The following CNTNAP5 variants were observed in gnomAD, a reference collection of about 807,000 sequenced individuals.
The protein encoded by CNTNAP5 is contactin-associated protein-like 5.
Under a neutral mutation model 150.2 loss-of-function variants are expected in CNTNAP5, and 72 were observed. That is an observed-to-expected ratio of 0.48 (90% CI 0.40 to 0.58). The LOEUF is 0.58. CNTNAP5 is among the 20% of genes least tolerant of loss of function. The pLI is 0.00. For missense variants in CNTNAP5, 1,636 were observed against 1,626.2 expected (o/e 1.01, Z -0.10); for synonymous variants, 672 against 619.8 (o/e 1.08, Z -1.25).
At chr2:124,792,886 T>G (rs1681764272) in intron 18 of CNTNAP5, among the ~76,000 whole-genome samples, 1 of 152,146 alleles carries the variant, frequency 6.6e-6, no homozygotes, top group Non-Finnish European at 1.5e-5. Context: ...TGCCAAAGAG[T>G]GTTGCGCAGT....
intron 1 of CNTNAP5, among the ~76,000 whole-genome samples, chr2:124,066,532 C>T (rs374787787): frequency 6.6e-6 from 1 of 152,158 alleles, no homozygotes; most frequent in Admixed American, 6.6e-5. Context: ...GAGAAGATAT[C>T]TATTATTGTG....
intron 1 of CNTNAP5, among the ~76,000 whole-genome samples, chr2:124,136,779 CAATG>C (rs1030039554): frequency 1.3e-4 from 20 of 152,154 alleles, no homozygotes; most frequent in Admixed American, 6.5e-5. Context: ...TGGCTGAAAG[CAATG>C]CACCTCTTTT....
At chr2:124,734,552 G>A (rs1296939721) in intron 13 of CNTNAP5, among the ~76,000 whole-genome samples, 2 of 151,874 alleles carry the variant, frequency 1.3e-5, no homozygotes, top group Non-Finnish European at 2.9e-5. Flanking sequence ...TAGCAAATTT[G>A]TGAGAAAAGT....
chr2:124,545,136 A>T (rs948119075), intron 10 of CNTNAP5, among the ~76,000 whole-genome samples: 3 of 152,192 alleles, frequency 2.0e-5, no homozygotes, highest in Admixed American at 1.3e-4. Context: ...AAAAACACAC[A>T]TTGTAATCTA....
rs555351068 is a variant in CNTNAP5, at chr2:124,719,456, G to C, written c.2078-27773G>C. On this transcript the variant is annotated intron_variant, in intron 13 of 23. Coordinates refer to ENST00000682447, the MANE Select transcript of CNTNAP5 (RefSeq NM_001367498.1). ...CACACAAATAAAGAACAGCTGAACCGAGTAGTAAGTTTATCACAGGATCGG... is the reference window on the plus strand; with the variant it reads ...CACACAAATAAAGAACAGCTGAACCCAGTAGTAAGTTTATCACAGGATCGG... 1.1e-4 allele frequency among the ~76,000 whole-genome samples: 17 copies of C among 152,214 alleles called. No individual in the cohort carries two copies. In the East Asian group the frequency reaches 3.3e-3, roughly 29 times the overall value.
intron 13 of CNTNAP5, among the ~76,000 whole-genome samples, chr2:124,650,162 T>C (rs922902594): frequency 1.3e-5 from 2 of 152,136 alleles, no homozygotes; most frequent in African/African-American, 4.8e-5. Flanking sequence ...GTGCTCTGAA[T>C]CAAAAGGAGG....
intron 11 of CNTNAP5, among the ~76,000 whole-genome samples, chr2:124,604,840 A>G (rs1459173556): frequency 2.6e-5 from 4 of 152,200 alleles, no homozygotes; most frequent in African/African-American, 9.6e-5. Context: ...AATCACCCCA[A>G]GATCTCAATG....
At position 124,819,293 on chromosome 2, in the gene CNTNAP5, G is replaced by A. The variant is rs551063370; in HGVS notation, c.3217+20973G>A. 2.6e-4 allele frequency among the ~76,000 whole-genome samples: 39 copies of A among 152,188 alleles called. No individual in the cohort carries two copies. In the South Asian group the frequency reaches 8.1e-3, roughly 32 times the overall value. On this transcript the variant is annotated intron_variant, in intron 19 of 23. Coordinates refer to ENST00000682447, the MANE Select transcript of CNTNAP5 (RefSeq NM_001367498.1). Reference sequence around the variant, plus strand: ...GAGTAGATATTCACTACAGTATTCAGTTGACTGAATGATTGAAAGTCTGGT... The same window carrying A: ...GAGTAGATATTCACTACAGTATTCAATTGACTGAATGATTGAAAGTCTGGT...
At chr2:124,747,662 C>T (rs1469714133) in intron 14 of CNTNAP5, among the ~76,000 whole-genome samples, 1 of 130,720 alleles carries the variant, frequency 7.6e-6, no homozygotes, top group Non-Finnish European at 1.6e-5. Flanking sequence ...ACTCTGTCAC[C>T]AGGCTGGAGT....
intron 13 of CNTNAP5, among the ~76,000 whole-genome samples, chr2:124,710,036 A>C (rs1679773887): frequency 6.6e-6 from 1 of 152,074 alleles, no homozygotes; most frequent in South Asian, 2.1e-4. Flanking sequence ...CCCGGGTCTT[A>C]CTTTTTGCCA....
Position 124,869,714 on chromosome 2 carries a change from G to A in CNTNAP5, c.3388G>A (p.Glu1130Lys). The A allele has an allele frequency of 6.2e-7, 1 of 1,612,384 alleles. No individual in the cohort carries two copies. The highest frequency in any genetic ancestry group is 8.5e-7 in the Non-Finnish European group (1 of 1,178,922). The change falls in exon 21 of 24, where the codon GAA (glutamate) becomes AAA (lysine). Residue 1130 changes from glutamate (E) to lysine (K), a missense_variant. Physicochemically the swap from Glu to Lys is moderately conservative, Grantham distance 56. Coordinates refer to ENST00000682447, the MANE Select transcript of CNTNAP5 (RefSeq NM_001367498.1). ...QLRLSYNFSP[E>K]VEFRVIRSLT... Reference sequence around the variant, plus strand: ...TCGACTCAGTTATAACTTCTCTCCGGAAGTAGAGTTCAGGGTTATAAGGTC... The same window carrying A: ...TCGACTCAGTTATAACTTCTCTCCGAAAGTAGAGTTCAGGGTTATAAGGTC...
At chr2:124,081,009 A>T (rs1682548673) in intron 1 of CNTNAP5, among the ~76,000 whole-genome samples, 1 of 152,196 alleles carries the variant, frequency 6.6e-6, no homozygotes, top group Non-Finnish European at 1.5e-5. Context: ...TACAGTTGCA[A>T]TCATAAACAG....
chr2:124,179,105 T>G (rs1685140355), intron 1 of CNTNAP5, among the ~76,000 whole-genome samples: 1 of 151,842 alleles, frequency 6.6e-6, no homozygotes. Context: ...TGACCCTGGC[T>G]TTGCATTCTC....
intron 3 of CNTNAP5, among the ~76,000 whole-genome samples, chr2:124,264,588 C>G (rs892074293): frequency 2.6e-5 from 4 of 152,138 alleles, no homozygotes; most frequent in Admixed American, 6.5e-5. Context: ...TGTACTAACA[C>G]AGGGCAAAAG....
chr2:124,322,755 G>A (rs1359908537), intron 3 of CNTNAP5, among the ~76,000 whole-genome samples: 1 of 152,092 alleles, frequency 6.6e-6, no homozygotes, highest in East Asian at 1.9e-4. Context: ...CTTGTCCATG[G>A]AGCAGGTCCT....
intron 1 of CNTNAP5, among the ~76,000 whole-genome samples, chr2:124,098,867 A>T (rs539280691): frequency 1.3e-5 from 2 of 152,204 alleles, no homozygotes; most frequent in Non-Finnish European, 2.9e-5. Context: ...TATCACCTAC[A>T]TGAGGAAATT....
chr2:124,762,721 G>A (rs1680984391), intron 14 of CNTNAP5, among the ~76,000 whole-genome samples: 1 of 152,074 alleles, frequency 6.6e-6, no homozygotes, highest in East Asian at 1.9e-4. Flanking sequence ...CTAAAACTAT[G>A]TCCTTAAAGA....
intron 3 of CNTNAP5, among the ~76,000 whole-genome samples, chr2:124,388,594 G>T (rs745320720): frequency 6.6e-6 from 1 of 152,168 alleles, no homozygotes; most frequent in Non-Finnish European, 1.5e-5. Context: ...ATATGTTCCC[G>T]CTCCTTGTCT....
intron 11 of CNTNAP5, among the ~76,000 whole-genome samples, chr2:124,578,835 G>T (rs1696351416): frequency 6.6e-6 from 1 of 152,248 alleles, no homozygotes; most frequent in African/African-American, 2.4e-5. Context: ...CATCTTTGAT[G>T]TGGACAGCTT....
Sources: allele counts gnomAD v4.1 joint callset (sites outside exome capture counted in the v4.1 genomes callset), GRCh38; gene constraint gnomAD v4.1.1; transcripts MANE v1.5; gene names NCBI Gene and HGNC (gene_info 2026-07-23, HGNC 2026-07-21).